Variants in COL5A2 observed in about 807,000 individuals in gnomAD.
The protein encoded by COL5A2 is collagen alpha-2(V) chain.
A neutral mutation model predicts 208.2 loss-of-function variants in COL5A2; 23 were observed. The ratio of observed to expected loss-of-function variants is 0.11; its 90% CI spans 0.08 to 0.16. The LOEUF (loss-of-function observed/expected upper bound fraction) is 0.16. Ranked by LOEUF, COL5A2 falls within the 10% of genes least tolerant of loss-of-function variation. The pLI is 1.00. For missense variants in COL5A2, 1,590 were observed against 1,956.4 expected (o/e 0.81, Z 3.53); for synonymous variants, 625 against 628.5 (o/e 0.99, Z 0.08).
At chr2:189,425,997 T>C in the COL5A2 span, among the ~76,000 whole-genome samples, 1 of 152,184 alleles carries the variant, frequency 6.6e-6, no homozygotes, top group African/African-American at 2.4e-5. Flanking sequence ...GTCTCAGATA[T>C]TTCCTTATAG....
the COL5A2 span, among the ~76,000 whole-genome samples, chr2:189,374,047 T>C: frequency 2.0e-5 from 3 of 151,950 alleles, no homozygotes; most frequent in African/African-American, 7.3e-5. Flanking sequence ...AAGGAAAAAA[T>C]GTCTTATGGG....
chr2:189,152,918 C>T (rs192794376), intron 1 of COL5A2, among the ~76,000 whole-genome samples: 64 of 152,116 alleles, frequency 4.2e-4, no homozygotes, highest in Admixed American at 6.5e-4. Context: ...TAATAGTCTG[C>T]ACTGTAAAAT....
Position 189,098,060 on chromosome 2 carries a change from C to G in COL5A2, c.402+667G>C, listed in dbSNP as rs374457354. Among the ~76,000 whole-genome samples, 32 of 150,000 alleles carry G rather than the reference C, an allele frequency of 2.1e-4. 1 individual carries two copies. In the East Asian group the frequency reaches 5.1e-3, roughly 24 times the overall value. On this transcript the variant is annotated intron_variant, in intron 5 of 53. Coordinates refer to ENST00000374866, the MANE Select transcript of COL5A2 (RefSeq NM_000393.5). The stretch of plus-strand genomic sequence containing the variant: ...TCCCCCCCTGGGAAATGGCTGTTGC[C>G]AGGGGGACTTTGTTTCTCTTTAAAA...
At chr2:189,379,123 C>G in the COL5A2 span, among the ~76,000 whole-genome samples, 2 of 152,112 alleles carry the variant, frequency 1.3e-5, no homozygotes, top group South Asian at 4.2e-4. Context: ...CAAAAATGCA[C>G]CGGCATACTA....
intron 1 of COL5A2, among the ~76,000 whole-genome samples, chr2:189,169,831 T>G (rs1466869495): frequency 6.6e-6 from 1 of 152,182 alleles, no homozygotes; most frequent in Non-Finnish European, 1.5e-5. Context: ...CTGCCTCAGC[T>G]TCCCGAGTAG....
At chr2:189,321,515 C>A in the COL5A2 span, among the ~76,000 whole-genome samples, 5 of 152,202 alleles carry the variant, frequency 3.3e-5, no homozygotes, top group Non-Finnish European at 7.4e-5. Flanking sequence ...GGGTTGCAAT[C>A]CTAGTCTCTG....
intron 1 of COL5A2, among the ~76,000 whole-genome samples, chr2:189,212,800 A>G (rs1188864243): frequency 2.0e-5 from 3 of 151,658 alleles, no homozygotes; most frequent in Non-Finnish European, 4.4e-5. Context: ...AGGGGGAAAC[A>G]AGAGAATCAG....
intron 1 of COL5A2, among the ~76,000 whole-genome samples, chr2:189,161,485 T>C (rs16831146): frequency 0.035 from 5,266 of 152,292 alleles, 124 homozygotes; most frequent in South Asian, 0.063. Flanking sequence ...TATAAGGCTT[T>C]GGACCAAAGA....
the COL5A2 span, among the ~76,000 whole-genome samples, chr2:189,431,607 T>A: frequency 6.6e-6 from 1 of 151,678 alleles, no homozygotes; most frequent in Non-Finnish European, 1.5e-5. Flanking sequence ...TGATTCAAGA[T>A]CAAATTAATG....
intron 1 of COL5A2, among the ~76,000 whole-genome samples, chr2:189,212,112 G>T (rs895931411): frequency 2.0e-5 from 3 of 152,116 alleles, no homozygotes; most frequent in African/African-American, 7.2e-5. Flanking sequence ...AATAACCATT[G>T]CAGGCTGATA....
intron 1 of COL5A2, among the ~76,000 whole-genome samples, chr2:189,141,523 T>C (rs1341309748): frequency 6.6e-6 from 1 of 152,170 alleles, no homozygotes; most frequent in Non-Finnish European, 1.5e-5. Flanking sequence ...TATACAATTA[T>C]CTGACTGGGA....
rs4666770 is a variant in COL5A2 at position 189,034,815 on chromosome 2, T to C, written c.4353+101A>G. The stretch of plus-strand genomic sequence containing the variant: ...TAAACAAACTGCTATTATGCTCATA[T>C]ACAAGGTAAAATTGCCCCCAGTTCT... On this transcript the variant is annotated intron_variant, in intron 53 of 53. Transcript: ENST00000374866. 0.93 allele frequency: 1,293,344 copies of C among 1,389,228 alleles called. 604,369 individuals are homozygous for C. Among genetic ancestry groups the C allele is most frequent in the Non-Finnish European group, 0.96 (945,813 of 987,966 alleles). 86.1% of individuals were successfully genotyped at this position (1,389,228 alleles called of 1,614,324 possible). A position where few individuals can be genotyped will look rare whatever the true frequency, so the allele number is the denominator to read the frequency against.
intron 1 of COL5A2, among the ~76,000 whole-genome samples, chr2:189,119,024 T>C (rs1365657751): frequency 6.6e-6 from 1 of 152,106 alleles, no homozygotes; most frequent in Non-Finnish European, 1.5e-5. Context: ...ATAATGTGCA[T>C]AATTGCATGG....
In COL5A2 at chr2:189,068,019, T is replaced by A. The variant is rs1021216183; in HGVS notation, c.1397A>T (p.Gln466Leu). The A allele has an allele frequency of 6.2e-7, 1 of 1,613,244 alleles. No homozygotes were observed. Among genetic ancestry groups the A allele is most frequent in the Non-Finnish European group, 8.5e-7 (1 of 1,179,238 alleles). The change falls in exon 21 of 54, where the codon CAA becomes CTA. Residue 466 changes from glutamine to leucine, a missense_variant. Transcript: ENST00000374866. ...GSTGPQGIRG[Q>L]PGDPGVPGFK... The stretch of plus-strand genomic sequence containing the variant: ...AGTTCTTTCAAAGGTCATTACCGGT[T>A]GGCCTCGAATTCCCTGAGGACCAGT...
At chr2:189,300,623 A>G in the COL5A2 span, among the ~76,000 whole-genome samples, 1 of 152,236 alleles carries the variant, frequency 6.6e-6, no homozygotes, top group Admixed American at 6.5e-5. Flanking sequence ...GAGGAGCTAC[A>G]GCCAGAGGCG....
At chr2:189,265,638 G>T in the COL5A2 span, among the ~76,000 whole-genome samples, 1 of 152,162 alleles carries the variant, frequency 6.6e-6, no homozygotes, top group Middle Eastern at 3.4e-3. Context: ...TCTTTTATGG[G>T]ACATAATACA....
chr2:189,256,985 T>G, the COL5A2 span, among the ~76,000 whole-genome samples: 1 of 152,338 alleles, frequency 6.6e-6, no homozygotes, highest in Non-Finnish European at 1.5e-5. Flanking sequence ...ATCTTAACAT[T>G]ACTGTTGGAA....
At position 189,043,231 on chromosome 2, in the gene COL5A2, C is replaced by A. The variant is rs747946828; in HGVS notation, c.3391G>T (p.Gly1131Cys). The A allele has an allele frequency of 2.5e-6, 4 of 1,613,690 alleles. No individual in the cohort carries two copies. The African/African-American group carries it at 5.3e-5, about 22-fold the overall frequency. The change falls in exon 48 of 54, where the codon GGT becomes TGT. Residue 1131 changes from glycine (G) to cysteine (C), a missense_variant. Transcript: ENST00000374866. ...CTGTCACCTCGGTCTCCATGATCAC[C>A]TTTGTCACCACGAGGTCCTTGGGGT... Reference protein sequence around the residue: ...PGPQGPRGDKGDHGDRGDRGQ... With the variant: ...PGPQGPRGDKCDHGDRGDRGQ...
chr2:189,338,929 T>G, the COL5A2 span, among the ~76,000 whole-genome samples: 65 of 152,152 alleles, frequency 4.3e-4, no homozygotes, highest in African/African-American at 1.5e-3. Flanking sequence ...CTTGCTATCT[T>G]TAAAAAAAAT....
Sources: allele counts gnomAD v4.1 joint callset (sites outside exome capture counted in the v4.1 genomes callset), GRCh38; gene constraint gnomAD v4.1.1; transcripts MANE v1.5; gene names NCBI Gene and HGNC (gene_info 2026-07-23, HGNC 2026-07-21).